WSCD2: variants seen among roughly 807,000 people sequenced by gnomAD.
WSCD2 encodes the protein WSC domain sialate O sulfotransferase 2.
In WSCD2, 28 loss-of-function variants were observed where a neutral mutation model predicts 55.7. That is an observed-to-expected ratio of 0.50 (90% CI 0.37 to 0.69). The LOEUF (loss-of-function observed/expected upper bound fraction) is 0.69, where lower values mean the gene tolerates loss of function less well. Among genes scored for constraint, WSCD2 ranks in the 30% least tolerant of loss-of-function variants. The probability of loss-of-function intolerance (pLI) is 0.00; values close to 1 mark genes in which losing one functional copy is unlikely to be tolerated. For synonymous variants in WSCD2, 301 were observed against 301.9 expected (o/e 1.00, Z 0.03); for missense variants, 616 against 762.1 (o/e 0.81, Z 2.26).
chr12:108,199,233 C>T lies in WSCD2; in HGVS notation c.382+3019C>T, dbSNP rs568406131. Among the ~76,000 whole-genome samples the T allele has an allele frequency of 7.2e-5, 11 of 151,774 alleles. No homozygotes were observed. The East Asian group carries it at 1.4e-3, about 19-fold the overall frequency. ...AAAATGAGACACTTCTCCGGCCTGA[C>T]GCTAAACTCATTTTGTTTTCTCCAA... On this transcript the variant is annotated intron_variant, in intron 2 of 8. Coordinates refer to ENST00000547525, the MANE Select transcript of WSCD2 (RefSeq NM_014653.4).
At position 108,248,268 on chromosome 12, in the gene WSCD2, C is replaced by T; in HGVS notation, c.1623C>T (p.Ala541=). ...YTADMQKTIS[A]YIKMVDAALK... ...CGGACATGCAGAAGACCATCTCTGCCTACATCAAGATGGTGGATGCAGCCC... is the reference window on the plus strand; with the variant it reads ...CGGACATGCAGAAGACCATCTCTGCTTACATCAAGATGGTGGATGCAGCCC... The change falls in exon 9 of 9, where the codon GCC becomes GCT. Residue 541 remains alanine, a synonymous_variant. Coordinates refer to ENST00000547525, the MANE Select transcript of WSCD2 (RefSeq NM_014653.4). This position sits in a 1 kb window ranked among gnomAD's most constrained non-coding sequence, Gnocchi z 4.3. 1 of 1,614,214 alleles carries T rather than the reference C, an allele frequency of 6.2e-7. No individual in the cohort carries two copies. Among genetic ancestry groups the T allele is most frequent in the Non-Finnish European group, 8.5e-7 (1 of 1,180,040 alleles).
chr12:108,181,251 C>T (rs1164644496), intron 1 of WSCD2, among the ~76,000 whole-genome samples: 1 of 152,200 alleles, frequency 6.6e-6, no homozygotes, highest in Non-Finnish European at 1.5e-5. Flanking sequence ...TCCTCCCTCC[C>T]ACCCCGGCGG....
chr12:108,193,680 C>T lies in WSCD2; in HGVS notation c.-551-1602C>T, dbSNP rs112250346. On this transcript the variant is annotated intron_variant, in intron 1 of 8. Coordinates refer to ENST00000547525, the MANE Select transcript of WSCD2 (RefSeq NM_014653.4). Reference sequence around the variant, plus strand: ...GGGTGGGTGGATGCTGGATGACAGACAGATGAATGGTTGGATGGATGGATG... The same window carrying T: ...GGGTGGGTGGATGCTGGATGACAGATAGATGAATGGTTGGATGGATGGATG... Among the ~76,000 whole-genome samples, 132 of 151,466 alleles carry T rather than the reference C, an allele frequency of 8.7e-4. 1 individual carries two copies. The South Asian group carries it at 9.0e-3, about 10-fold the overall frequency.
intron 8 of WSCD2, among the ~76,000 whole-genome samples, 190 bp from the exon 9 acceptor site, chr12:108,247,801 C>A (rs1890191096): frequency 6.6e-6 from 1 of 152,224 alleles, no homozygotes; most frequent in Non-Finnish European, 1.5e-5. Flanking sequence ...AAGCTGTCCT[C>A]CAGCCTTGGC....
At chr12:108,143,962 C>A (rs1877127290) in intron 1 of WSCD2, among the ~76,000 whole-genome samples, 2 of 152,196 alleles carry the variant, frequency 1.3e-5, no homozygotes, top group Non-Finnish European at 2.9e-5. Context: ...GAGCCAGAGA[C>A]CAAGTGCCCC....
intron 4 of WSCD2, among the ~76,000 whole-genome samples, chr12:108,216,802 T>C (rs1290169528): frequency 6.6e-6 from 1 of 152,168 alleles, no homozygotes; most frequent in Non-Finnish European, 1.5e-5. Flanking sequence ...CCTCCAACTC[T>C]CATCCATCAT....
intron 1 of WSCD2, among the ~76,000 whole-genome samples, chr12:108,150,439 C>A (rs1327125941): frequency 6.6e-6 from 1 of 152,112 alleles, no homozygotes; most frequent in Non-Finnish European, 1.5e-5. Flanking sequence ...GGGTCTCTCC[C>A]AGGAAGAGGT....
chr12:108,176,452 A>G (rs1346949038), intron 1 of WSCD2, among the ~76,000 whole-genome samples: 2 of 152,226 alleles, frequency 1.3e-5, no homozygotes, highest in African/African-American at 4.8e-5. Flanking sequence ...GGCATAATGC[A>G]TGATGCCTTT....
At chr12:108,194,790 T>G (rs1883673704) in intron 1 of WSCD2, among the ~76,000 whole-genome samples, 1 of 152,158 alleles carries the variant, frequency 6.6e-6, no homozygotes, top group South Asian at 2.1e-4. Flanking sequence ...CAGCTTAATT[T>G]CCAGCACCTA....
At chr12:108,242,875 G>C (rs1164260616) in intron 8 of WSCD2, among the ~76,000 whole-genome samples, 2 of 152,224 alleles carry the variant, frequency 1.3e-5, no homozygotes, top group Non-Finnish European at 1.5e-5. Flanking sequence ...AGAGGCTGCA[G>C]GGAGTATGGG....
chr12:108,248,923 G>A lies in WSCD2; in HGVS notation c.*580G>A. Reference sequence around the variant, plus strand: ...TCTGACATCCTGGATAGTGTGGGGAGGTAATGGTGCTCACAGTAGGTTAAT... The same window carrying A: ...TCTGACATCCTGGATAGTGTGGGGAAGTAATGGTGCTCACAGTAGGTTAAT... On this transcript the variant is annotated 3_prime_UTR_variant, in exon 9 of 9. Transcript: ENST00000547525. This position sits in a 1 kb window ranked among gnomAD's most constrained non-coding sequence, Gnocchi z 4.3. 1.0e-6 allele frequency: 1 copy of A among 987,358 alleles called. No individual in the cohort carries two copies. The highest frequency in any genetic ancestry group is 6.0e-5 in the Admixed American group (1 of 16,670). The allele number at this position is 987,358 out of a possible 1,614,324, so 61.2% of individuals were successfully genotyped here. A position where few individuals can be genotyped will look rare whatever the true frequency, so the allele number is the denominator to read the frequency against.
rs766850790 is a variant in WSCD2, at chr12:108,210,136, C to T, written c.513C>T (p.Gly171=). Residue 171 remains glycine (G), a synonymous_variant, in exon 4 of 9, where the codon GGC becomes GGT. Coordinates refer to ENST00000547525, the MANE Select transcript of WSCD2 (RefSeq NM_014653.4). The surrounding 1 kb of genome is among the most constrained non-coding windows in gnomAD (Gnocchi z 4.3). ...DNCAERGYLY[G]GLEFGAECYC... is the part of the protein sequence containing the mutation. The stretch of plus-strand genomic sequence containing the variant: ...CCTCCCCCAGGGGTTACCTGTATGG[C>T]GGGCTGGAGTTCGGCGCCGAGTGCT... 38 of 1,613,994 alleles carry T rather than the reference C, an allele frequency of 2.4e-5. No individual in the cohort carries two copies. Among genetic ancestry groups the T allele is most frequent in the South Asian group, 1.8e-4 (16 of 91,084 alleles).
At chr12:108,144,545 C>T (rs1877194290) in intron 1 of WSCD2, among the ~76,000 whole-genome samples, 1 of 152,214 alleles carries the variant, frequency 6.6e-6, no homozygotes, top group Non-Finnish European at 1.5e-5. Context: ...TCCTAGCTCT[C>T]TCCCAGTTTG....
chr12:108,163,722 G>A (rs561847877), intron 1 of WSCD2, among the ~76,000 whole-genome samples: 1 of 152,300 alleles, frequency 6.6e-6, no homozygotes, highest in African/African-American at 2.4e-5. Flanking sequence ...AGGAGCCAAG[G>A]CATGCAGGCA....
chr12:108,218,322 A>G (rs529656037), intron 4 of WSCD2, among the ~76,000 whole-genome samples: 1 of 152,300 alleles, frequency 6.6e-6, no homozygotes, highest in African/African-American at 2.4e-5. Flanking sequence ...TCGGGATTAG[A>G]GCTCGTGTTT....
intron 1 of WSCD2, among the ~76,000 whole-genome samples, chr12:108,173,234 C>T (rs1381443972): frequency 6.6e-6 from 1 of 152,194 alleles, no homozygotes; most frequent in African/African-American, 2.4e-5. Context: ...AGATGTCCCC[C>T]TCCCATCCTC....
chr12:108,136,311 A>G (rs1271841718), intron 1 of WSCD2, among the ~76,000 whole-genome samples: 1 of 38,520 alleles, frequency 2.6e-5, no homozygotes, highest in African/African-American at 7.9e-5. Context: ...CTCTGCGCCA[A>G]CTGACTTAGT....
In WSCD2 at chr12:108,247,991, AGT is replaced by A. The variant is rs1326988328; in HGVS notation, c.1348_1349del (p.Trp450AlafsTer31). On this transcript the variant is annotated frameshift_variant and splice_region_variant, in exon 9 of 9. Coordinates refer to ENST00000547525, the MANE Select transcript of WSCD2 (RefSeq NM_014653.4). LOFTEE classifies it high-confidence loss of function. ...TGTGTCCTTTCTCCTCTCTCTGCAG[AGT>A]GGCCAGAGTTCGTGAGGAACTATGC... 6.2e-7 allele frequency: 1 copy of A among 1,610,502 alleles called. No individual in the cohort carries two copies. The highest frequency in any genetic ancestry group is 8.5e-7 in the Non-Finnish European group (1 of 1,177,158).
chr12:108,201,783 C>A (rs11113772), intron 2 of WSCD2, among the ~76,000 whole-genome samples: 20,488 of 152,158 alleles, frequency 0.13, 1,689 homozygotes, highest in Non-Finnish European at 0.18. Flanking sequence ...TAACAAATCA[C>A]CTTCATTGAA....
Sources: gnomAD v4.1 joint callset for allele counts (sites outside exome capture counted in the v4.1 genomes callset) on GRCh38, gnomAD v4.1.1 for gene constraint, Gnocchi (gnomAD v3.1) non-coding constraint, MANE v1.5 for transcripts, NCBI Gene and HGNC (gene_info 2026-07-23, HGNC 2026-07-21) for gene names.